Variants in SLC35F5 observed in about 807,000 individuals in gnomAD.
SLC35F5 encodes solute carrier family 35 member F5.
A neutral mutation model predicts 68.6 loss-of-function variants in SLC35F5; 54 were observed. That is an observed-to-expected ratio of 0.79 (90% CI 0.63 to 0.99). SLC35F5 has a LOEUF of 0.99. Among genes scored for constraint, SLC35F5 ranks in the 50% least tolerant of loss-of-function variants. The pLI, the probability that SLC35F5 is intolerant of heterozygous loss-of-function variation, is 0.00. For synonymous variants in SLC35F5, 211 were observed against 205.2 expected (o/e 1.03, Z -0.24); for missense variants, 567 against 626.9 (o/e 0.90, Z 1.02).
intron 13 of SLC35F5, 132 bp from the exon 14 acceptor site, chr2:113,719,440 C>A (rs779596213): frequency 6.7e-5 from 47 of 703,714 alleles, no homozygotes; most frequent in Non-Finnish European, 9.5e-5. Flanking sequence ...TAAACACTGA[C>A]AATGTATTAA....
At chr2:113,750,340 C>G in intron 4 of SLC35F5, 85 bp downstream of exon 4, 1 of 1,284,628 alleles carries the variant, frequency 7.8e-7, no homozygotes, top group East Asian at 2.5e-5. Flanking sequence ...ATATGACCGT[C>G]CTTAAAGAAA....
chr2:113,738,175 G>A (rs1688162030), intron 7 of SLC35F5, among the ~76,000 whole-genome samples: 1 of 152,088 alleles, frequency 6.6e-6, no homozygotes, highest in Non-Finnish European at 1.5e-5. Flanking sequence ...ACTGTTATCT[G>A]AAGTCTCCAT....
rs1225502518 is a variant in SLC35F5 at position 113,755,249 on chromosome 2, G to A, written c.189C>T (p.Phe63=). The change falls in exon 3 of 16, where the codon TTC becomes TTT. Residue 63 remains phenylalanine, a synonymous_variant. Coordinates refer to ENST00000245680, the MANE Select transcript of SLC35F5 (RefSeq NM_025181.5). ...MNRMNSQNSG[F]TQRRRMALGI... The stretch of plus-strand genomic sequence containing the variant: ...CAAGAGCCATTCGCCTGCGCTGAGT[G>A]AAACCACTGTTCTGGGAATTCATTC... 1 of 1,614,138 alleles carries A rather than the reference G, an allele frequency of 6.2e-7. No homozygotes were observed. Among genetic ancestry groups the A allele is most frequent in the Non-Finnish European group, 8.5e-7 (1 of 1,180,024 alleles).
chr2:113,728,307 T>TA (rs1687747210), intron 11 of SLC35F5, among the ~76,000 whole-genome samples: 1 of 152,130 alleles, frequency 6.6e-6, no homozygotes, highest in South Asian at 2.1e-4. Flanking sequence ...TAGTCTTTTT[T>TA]TAAAAAAAAT....
In SLC35F5 at chr2:113,708,525, T is replaced by A. The variant is rs1014020416; in HGVS notation, c.*6693A>T. On this transcript the variant is annotated 3_prime_UTR_variant, in exon 16 of 16. Coordinates refer to ENST00000245680, the MANE Select transcript of SLC35F5 (RefSeq NM_025181.5). ...TTCAAGACCAACCTGGCCAACATGGTAAAACCTCCTCTCTACTATAAATAC... is the reference window on the plus strand; with the variant it reads ...TTCAAGACCAACCTGGCCAACATGGAAAAACCTCCTCTCTACTATAAATAC... 6.6e-6 allele frequency among the ~76,000 whole-genome samples: 1 copy of A among 151,898 alleles called. No homozygotes were observed. Among genetic ancestry groups the A allele is most frequent in the Non-Finnish European group, 1.5e-5 (1 of 67,966 alleles).
intron 4 of SLC35F5, among the ~76,000 whole-genome samples, chr2:113,746,929 G>GAA (rs68171112): frequency 1.6e-4 from 17 of 103,992 alleles, no homozygotes; most frequent in Admixed American, 5.3e-4. Flanking sequence ...CTCAAAAAAA[G>GAA]AAAAAAAAAA....
rs189700254 is a variant in SLC35F5 at position 113,720,060 on chromosome 2, A to T, written c.1342-752T>A. On this transcript the variant is annotated intron_variant, in intron 13 of 15. Transcript: ENST00000245680. ...GTATTAAAATCAAAAAGAAAAAAAA[A>T]TAAGAAAAACAAATATATAAATAAA... is the stretch of plus-strand genomic sequence containing the variant. 4.7e-3 allele frequency among the ~76,000 whole-genome samples: 708 copies of T among 151,460 alleles called. 1 individual carries two copies. The highest frequency in any genetic ancestry group is 8.5e-3 in the Non-Finnish European group (578 of 67,778).
chr2:113,747,076 C>T (rs1349830244), intron 4 of SLC35F5, among the ~76,000 whole-genome samples: 3 of 152,008 alleles, frequency 2.0e-5, no homozygotes, highest in Non-Finnish European at 2.9e-5. Flanking sequence ...CACTTGAGGT[C>T]AGGAGTTTGA....
intron 15 of SLC35F5, among the ~76,000 whole-genome samples, chr2:113,716,102 G>A (rs535625617): frequency 1.3e-3 from 193 of 152,208 alleles, no homozygotes; most frequent in Admixed American, 2.4e-3. Flanking sequence ...TTCTTAAAAG[G>A]AATAAACCAC....
chr2:113,737,567 G>A lies in SLC35F5; in HGVS notation c.751-1709C>T, dbSNP rs1688139762. 2.0e-5 allele frequency among the ~76,000 whole-genome samples: 3 copies of A among 152,138 alleles called. No individual in the cohort carries two copies. The South Asian group carries it at 6.2e-4, about 32-fold the overall frequency. ...GATAATGCTCACAGAGTGATTATTA[G>A]CTTTCTTGACCCACTTCTCTTACTA... On this transcript the variant is annotated intron_variant, in intron 7 of 15. Transcript: ENST00000245680.
rs3748905 is a variant in SLC35F5 at position 113,742,896 on chromosome 2, T to C, written c.563-17A>G. The C allele has an allele frequency of 0.12, 194,643 of 1,591,756 alleles. 12,601 individuals carry two copies. Among genetic ancestry groups the C allele is most frequent in the Non-Finnish European group, 0.13 (151,622 of 1,165,936 alleles). On this transcript the variant is annotated splice_polypyrimidine_tract_variant and intron_variant, in intron 6 of 15. Coordinates refer to ENST00000245680, the MANE Select transcript of SLC35F5 (RefSeq NM_025181.5). Reference sequence around the variant, plus strand: ...TTTTGGGGGCTTAAAAGGAAGAGCATAATATGAAATAATTAAATAATTCCT... The same window carrying C: ...TTTTGGGGGCTTAAAAGGAAGAGCACAATATGAAATAATTAAATAATTCCT...
chr2:113,717,558 G>T, intron 15 of SLC35F5, 195 bp downstream of exon 15: 1 of 389,892 alleles, frequency 2.6e-6, no homozygotes, highest in Non-Finnish European at 4.6e-6. Context: ...GAAAGCTGGA[G>T]CATCAAGAGA....
At position 113,709,223 on chromosome 2, in the gene SLC35F5, G is replaced by A. The variant is rs1686893416; in HGVS notation, c.*5995C>T. Among the ~76,000 whole-genome samples, 2 of 150,512 alleles carry A rather than the reference G, an allele frequency of 1.3e-5. No individual in the cohort carries two copies. The highest frequency in any genetic ancestry group is 2.5e-5 in the African/African-American group (1 of 40,624). ...TTATTCACTCTTTACAAAGCACTAAGTACACACAGGTGTTTGGCATTGTCT... is the reference window on the plus strand; with the variant it reads ...TTATTCACTCTTTACAAAGCACTAAATACACACAGGTGTTTGGCATTGTCT... On this transcript the variant is annotated 3_prime_UTR_variant, in exon 16 of 16. Transcript: ENST00000245680.
intron 10 of SLC35F5, among the ~76,000 whole-genome samples, chr2:113,730,591 GAAAT>G (rs1437876369): frequency 6.6e-6 from 1 of 152,112 alleles, no homozygotes; most frequent in Non-Finnish European, 1.5e-5. Context: ...TATTCAAAGA[GAAAT>G]AATTAATCTA....
At chr2:113,722,945 G>A (rs746196077) in intron 13 of SLC35F5, among the ~76,000 whole-genome samples, 159 bp downstream of exon 13, 3 of 152,034 alleles carry the variant, frequency 2.0e-5, no homozygotes, top group Admixed American at 1.3e-4. Flanking sequence ...CTATTTCTTC[G>A]GTACTTTCTA....
chr2:113,704,088 C>T (rs557838111), downstream of SLC35F5: 5 of 152,316 alleles, frequency 3.3e-5, no homozygotes, highest in African/African-American at 1.2e-4. Context: ...CAGTGTGGAC[C>T]CAAAGAGTGA....
Position 113,756,394 on chromosome 2 carries a change from G to A in SLC35F5, c.16C>T (p.Arg6Cys), listed in dbSNP as rs754749282. 3 of 1,564,768 alleles carry A rather than the reference G, an allele frequency of 1.9e-6. No homozygotes were observed. Among genetic ancestry groups the A allele is most frequent in the Non-Finnish European group, 2.6e-6 (3 of 1,156,226 alleles). ...CCTGGCCTTCCTGCCCCGCGATGGC[G>A]TCGTGGCGGCACCATGAGCGGACCG... MVPPR[R>C]HRGAGRPGVL... is the part of the protein sequence containing the mutation. The change falls in exon 1 of 16, where the codon CGC becomes TGC. Residue 6 changes from arginine (R) to cysteine (C), a missense_variant. Coordinates refer to ENST00000245680, the MANE Select transcript of SLC35F5 (RefSeq NM_025181.5).
intron 7 of SLC35F5, among the ~76,000 whole-genome samples, chr2:113,740,153 T>C (rs776715889): frequency 1.7e-4 from 26 of 152,046 alleles, no homozygotes; most frequent in Non-Finnish European, 2.8e-4. Flanking sequence ...TGTAATACGG[T>C]AAAAATTAAA....
chr2:113,742,822 G>A lies in SLC35F5; in HGVS notation c.620C>T (p.Ser207Leu). The A allele has an allele frequency of 6.2e-7, 1 of 1,614,096 alleles. No homozygotes were observed. Among genetic ancestry groups the A allele is most frequent in the Non-Finnish European group, 8.5e-7 (1 of 1,179,982 alleles). ...CAACTTTGCTTCCAATGCATGACTT[G>A]ACGGAAGCTGTCGAATCTCCATGAT... is the stretch of plus-strand genomic sequence containing the variant. ...SNIMEIRQLP[S>L]SHALEAKLSR... The change falls in exon 7 of 16, where the codon TCA becomes TTA. Residue 207 changes from serine to leucine, a missense_variant. By Grantham distance (145) the Ser-to-Leu change is moderately radical (BLOSUM62 -2). Transcript: ENST00000245680.
Sources: allele counts gnomAD v4.1 joint callset (sites outside exome capture counted in the v4.1 genomes callset), GRCh38; gene constraint gnomAD v4.1.1; transcripts MANE v1.5; gene names NCBI Gene and HGNC (gene_info 2026-07-23, HGNC 2026-07-21).